The following AR variants were observed in gnomAD, a reference collection of about 807,000 sequenced individuals.
AR encodes the protein dihydrotestosterone receptor.
AR carries 8 observed loss-of-function variants against 53.9 expected under a neutral mutation model. That is an observed-to-expected ratio of 0.15 (90% CI 0.09 to 0.27). AR has a LOEUF of 0.27. Among genes scored for constraint, AR ranks in the 10% least tolerant of loss-of-function variants. The pLI is 1.00. For synonymous variants in AR, 359 were observed against 316.4 expected (o/e 1.13, Z -1.43); for missense variants, 639 against 742.5 (o/e 0.86, Z 1.62).
chrX:67,564,415 A>G (rs2147340408), intron 1 of AR, among the ~76,000 whole-genome samples: 1 of 111,716 alleles, frequency 9.0e-6, no homozygotes, highest in African/African-American at 3.3e-5. Context: ...TCCTCAGTGT[A>G]TAATAGAGTA....
chrX:67,673,802 A>G (rs1028106215), intron 2 of AR, among the ~76,000 whole-genome samples: 3 of 110,794 alleles, frequency 2.7e-5, no homozygotes, highest in Non-Finnish European at 5.7e-5. Flanking sequence ...TGCTTTATTT[A>G]GTTCATTTTG....
At chrX:67,668,629 A>T (rs921520779) in intron 2 of AR, among the ~76,000 whole-genome samples, 90 of 110,980 alleles carry the variant, frequency 8.1e-4, no homozygotes, top group Non-Finnish European at 2.8e-4. Flanking sequence ...TTTGAATAGG[A>T]TTGATGTTAC....
intron 1 of AR, among the ~76,000 whole-genome samples, chrX:67,626,618 A>G (rs1924660713): frequency 1.0e-5 from 1 of 98,991 alleles, no homozygotes; most frequent in African/African-American, 3.7e-5. Context: ...TTTTATATAT[A>G]TATATATATA....
chrX:67,678,052 C>G (rs1410725021), intron 2 of AR, among the ~76,000 whole-genome samples: 1 of 110,977 alleles, frequency 9.0e-6, no homozygotes, highest in Non-Finnish European at 1.9e-5. Context: ...AGCAAATTCT[C>G]TGAGTTTCAG....
chrX:67,602,650 G>A (rs1315875530), intron 1 of AR, among the ~76,000 whole-genome samples: 1 of 111,307 alleles, frequency 9.0e-6, no homozygotes, highest in Non-Finnish European at 1.9e-5. Flanking sequence ...GAAAATGAGG[G>A]CCTCAGACCT....
chrX:67,553,478 A>G (rs2147330036), intron 1 of AR, among the ~76,000 whole-genome samples: 1 of 112,115 alleles, frequency 8.9e-6, no homozygotes, highest in African/African-American at 3.2e-5. Context: ...TTTTGAAATT[A>G]GGAATTTTGA....
At chrX:67,685,327 C>T (rs941607232) in intron 2 of AR, among the ~76,000 whole-genome samples, 9 of 111,273 alleles carry the variant, frequency 8.1e-5, no homozygotes, top group East Asian at 2.8e-4. Flanking sequence ...TATGTGTGTG[C>T]GCTTCTATGT....
chrX:67,588,235 G>A (rs1430651851), intron 1 of AR, among the ~76,000 whole-genome samples: 1 of 112,100 alleles, frequency 8.9e-6, no homozygotes, highest in Non-Finnish European at 1.9e-5. Context: ...TCTCAAGGGT[G>A]AGTAGACCAG....
At chrX:67,594,761 A>G (rs1229186820) in intron 1 of AR, among the ~76,000 whole-genome samples, 5 of 111,590 alleles carry the variant, frequency 4.5e-5, no homozygotes, top group Non-Finnish European at 9.4e-5. Context: ...CAGCCTGGGC[A>G]ACATGGTGAA....
At chrX:67,722,769 T>C (rs759594909) in intron 6 of AR, 58 bp from the exon 7 acceptor site, 1 of 1,189,098 alleles carries the variant, frequency 8.4e-7, no homozygotes, top group Non-Finnish European at 1.1e-6. Context: ...TGGTGCTTTG[T>C]CTAATGCTCC....
chrX:67,662,155 T>C (rs1244334212), intron 2 of AR, among the ~76,000 whole-genome samples: 1 of 111,912 alleles, frequency 8.9e-6, no homozygotes, highest in Non-Finnish European at 1.9e-5. Flanking sequence ...CCTGGATTCA[T>C]TGATTTTTTG....
chrX:67,684,516 G>C (rs1348430667), intron 2 of AR, among the ~76,000 whole-genome samples: 3 of 110,576 alleles, frequency 2.7e-5, no homozygotes, highest in Non-Finnish European at 3.8e-5. Flanking sequence ...ACTCCTCCTT[G>C]GAATGAGAGT....
chrX:67,654,734 G>A (rs763586981), intron 2 of AR, among the ~76,000 whole-genome samples: 1 of 106,492 alleles, frequency 9.4e-6, no homozygotes, highest in East Asian at 3.0e-4. Context: ...AGTATGCTGA[G>A]GCCAGATTCA....
At chrX:67,617,598 C>T (rs1481715821) in intron 1 of AR, among the ~76,000 whole-genome samples, 1 of 111,692 alleles carries the variant, frequency 9.0e-6, no homozygotes, top group Non-Finnish European at 1.9e-5. Context: ...CTTGAAGGTT[C>T]CCTTGACTCA....
In AR at chrX:67,727,527, A is replaced by G; in HGVS notation, c.*3686A>G. The G allele has an allele frequency of 1.2e-5, 2 of 173,063 alleles. No homozygotes were observed. Among genetic ancestry groups the G allele is most frequent in the Non-Finnish European group, 2.2e-5 (2 of 89,903 alleles). The allele number at this position is 173,063 out of a possible 1,213,427, so 14.3% of individuals were successfully genotyped here. A position where few individuals can be genotyped will look rare whatever the true frequency, so the allele number is the denominator to read the frequency against. On this transcript the variant is annotated 3_prime_UTR_variant, in exon 8 of 8. Transcript: ENST00000374690. ...ATGATGCACAAATGAGCTAACATTG[A>G]GCTTCAAGTAGCTTCTAAGTGTTTG...
At chrX:67,589,285 AAAG>A (rs1184497260) in intron 1 of AR, among the ~76,000 whole-genome samples, 1 of 111,598 alleles carries the variant, frequency 9.0e-6, no homozygotes, top group Non-Finnish European at 1.9e-5. Context: ...AAAAAAAAAA[AAAG>A]AAGTCCACTG....
Position 67,730,576 on chromosome X carries a change from CATT to C in AR, c.*6736_*6738del, listed in dbSNP as rs1275122639. 1 of 170,090 alleles carries C rather than the reference CATT, an allele frequency of 5.9e-6. No individual in the cohort carries two copies. Among genetic ancestry groups the C allele is most frequent in the Non-Finnish European group, 1.1e-5 (1 of 88,142 alleles). The allele number at this position is 170,090 out of a possible 1,213,427, so 14.0% of individuals were successfully genotyped here. A position where few individuals can be genotyped will look rare whatever the true frequency, so the allele number is the denominator to read the frequency against. On this transcript the variant is annotated 3_prime_UTR_variant, in exon 8 of 8. Coordinates refer to ENST00000374690, the MANE Select transcript of AR (RefSeq NM_000044.6). ...AGAAAAGCTGCTAATGTCCTCTTAT[CATT>C]GTTGTTAATTTGTTAAAACATAAAG...
intron 1 of AR, among the ~76,000 whole-genome samples, chrX:67,635,993 T>C (rs1443194079): frequency 9.0e-6 from 1 of 111,598 alleles, no homozygotes; most frequent in Non-Finnish European, 1.9e-5. Flanking sequence ...TTATGTGCTG[T>C]TTTAGTAATA....
intron 5 of AR, among the ~76,000 whole-genome samples, chrX:67,719,713 C>T (rs1030898091): frequency 8.9e-6 from 1 of 112,264 alleles, no homozygotes; most frequent in African/African-American, 3.2e-5. Flanking sequence ...CACCAGCCTA[C>T]TCTATACCAA....
Sources: gnomAD v4.1 joint callset for allele counts (sites outside exome capture counted in the v4.1 genomes callset) on GRCh38, gnomAD v4.1.1 for gene constraint, MANE v1.5 for transcripts, NCBI Gene and HGNC (gene_info 2026-07-23, HGNC 2026-07-21) for gene names.